The following ZNF37A variants were observed in gnomAD, a reference collection of about 807,000 sequenced individuals.
ZNF37A encodes zinc finger protein 37a (KOX 21).
A neutral mutation model predicts 12.3 loss-of-function variants in ZNF37A; 10 were observed. That is an observed-to-expected ratio of 0.82 (90% CI 0.50 to 1.38). The LOEUF (loss-of-function observed/expected upper bound fraction) is 1.38, where lower values mean the gene tolerates loss of function less well. ZNF37A is among the 40% of genes most tolerant of loss of function. The probability of loss-of-function intolerance (pLI) is 0.00; values close to 1 mark genes in which losing one functional copy is unlikely to be tolerated. For synonymous variants in ZNF37A, 207 were observed against 223.0 expected, an observed-to-expected ratio of 0.93 and a Z score of 0.64; for missense variants, 580 against 651.2, an observed-to-expected ratio of 0.89 and a Z score of 1.19.
chr10:38,106,747 A>C (rs755243931), intron 5 of ZNF37A, among the ~76,000 whole-genome samples: 39 of 152,084 alleles, frequency 2.6e-4, no homozygotes, highest in Non-Finnish European at 4.6e-4. Context: ...AGTGGAAGAA[A>C]GGACATAAGA....
In ZNF37A at chr10:38,117,888, A is replaced by G; in HGVS notation, c.737A>G (p.Asn246Ser). Residue 246 changes from asparagine to serine, a missense_variant, in exon 8 of 8, where the codon AAT becomes AGT. Physicochemically the swap from Asn to Ser is conservative, Grantham distance 46. Coordinates refer to ENST00000685332, the MANE Select transcript of ZNF37A (RefSeq NM_001324250.3). ...TCAATTAACAATATTATTGAATATA[A>G]TGAGTGTGGAACATTTTTCAGTGAA... ...THSINNIIEY[N>S]ECGTFFSEKL... 2 of 1,614,026 alleles carry G rather than the reference A, an allele frequency of 1.2e-6. No homozygotes were observed. The highest frequency in any genetic ancestry group is 1.7e-6 in the Non-Finnish European group (2 of 1,179,996).
At chr10:38,129,316 A>AAAAAACAAAAAAC (rs1554785448), downstream of ZNF37A, among the ~76,000 whole-genome samples, 1 of 142,430 alleles carries the variant, frequency 7.0e-6, no homozygotes, top group Non-Finnish European at 1.5e-5. Context: ...AAAAAAAAAA[A>AAAAAACAAAAAAC]AAAAAACTAT....
intron 7 of ZNF37A, among the ~76,000 whole-genome samples, chr10:38,135,368 G>A (rs1305915350): frequency 6.6e-6 from 1 of 152,210 alleles, no homozygotes; most frequent in Non-Finnish European, 1.5e-5. Flanking sequence ...CCTGGTGACA[G>A]AGTGAGACTC....
In ZNF37A at chr10:38,114,822, C is replaced by T. The variant is rs764250268; in HGVS notation, c.83C>T (p.Ala28Val). ...GAGGAGTGGCAGCATCTGGACCCTG[C>T]TCAGAGGACCCTGTACAGGGATGTG... Reference protein sequence around the residue: ...TQEEWQHLDPAQRTLYRDVML... With the variant: ...TQEEWQHLDPVQRTLYRDVML... Residue 28 changes from alanine (A) to valine (V), a missense_variant, in exon 6 of 8, where the codon GCT becomes GTT. Transcript: ENST00000685332. 6.2e-7 allele frequency: 1 copy of T among 1,613,992 alleles called. No homozygotes were observed. The highest frequency in any genetic ancestry group is 1.7e-5 in the Admixed American group (1 of 59,978).
At chr10:38,129,319 A>AAAAAAAAAT, downstream of ZNF37A, among the ~76,000 whole-genome samples, 1 of 116,228 alleles carries the variant, frequency 8.6e-6, no homozygotes, top group African/African-American at 3.6e-5. Flanking sequence ...AAAAAAAAAA[A>AAAAAAAAAT]AAACTATTAT....
At chr10:38,112,746 T>TCGGTCTCGGTCTCGGTCTCGGTCTCGGTC (rs1564931904) in intron 5 of ZNF37A, among the ~76,000 whole-genome samples, 2 of 106,402 alleles carry the variant, frequency 1.9e-5, no homozygotes, top group African/African-American at 4.1e-5. Flanking sequence ...TTTTCTTTTC[T>TCGGTCTCGGTCTCGGTCTCGGTCTCGGTC]TTTCTTTTCT....
At chr10:38,125,090 T>G (rs2136069293), downstream of ZNF37A, 1 of 152,320 alleles carries the variant, frequency 6.6e-6, no homozygotes, top group African/African-American at 2.4e-5. Flanking sequence ...AAAATTTTTG[T>G]AGGTTTGAGT....
chr10:38,107,589 G>A (rs1355785850), intron 5 of ZNF37A, among the ~76,000 whole-genome samples: 1 of 152,204 alleles, frequency 6.6e-6, no homozygotes, highest in South Asian at 2.1e-4. Flanking sequence ...ACATCCATCA[G>A]TGTGCTGTAT....
intron 7 of ZNF37A, chr10:38,138,428 T>G (rs2070139202): frequency 6.6e-6 from 1 of 152,214 alleles, no homozygotes; most frequent in African/African-American, 2.4e-5. Context: ...AAGTGAGATT[T>G]AGAAAGGAAA....
intron 5 of ZNF37A, among the ~76,000 whole-genome samples, chr10:38,098,081 G>A (rs2067289502): frequency 6.6e-6 from 1 of 152,110 alleles, no homozygotes; most frequent in Non-Finnish European, 1.5e-5. Flanking sequence ...GTAGCCTTTT[G>A]TGTCTGATCT....
chr10:38,118,330 C>T lies in ZNF37A; in HGVS notation c.1179C>T (p.Leu393=). ...YECYACGKAF[L]RKSDLIKHQR... is the part of the protein sequence containing the mutation. ...GCTATGCATGTGGGAAAGCCTTTCTCAGAAAATCAGACCTCATTAAACATC... is the reference window on the plus strand; with the variant it reads ...GCTATGCATGTGGGAAAGCCTTTCTTAGAAAATCAGACCTCATTAAACATC... Residue 393 remains leucine, a synonymous_variant, in exon 8 of 8, where the codon CTC becomes CTT. Transcript: ENST00000685332. 1.2e-6 allele frequency: 2 copies of T among 1,610,966 alleles called. No homozygotes were observed. Among genetic ancestry groups the T allele is most frequent in the Admixed American group, 1.7e-5 (1 of 59,684 alleles).
rs536001134 is a variant in ZNF37A, at chr10:38,098,988, A to G, written c.15+2356A>G. ...GTGGATACTTCAGTATTTTTTGCATATAAGATCATGTCATCTGCAAACGAA... is the reference window on the plus strand; with the variant it reads ...GTGGATACTTCAGTATTTTTTGCATGTAAGATCATGTCATCTGCAAACGAA... On this transcript the variant is annotated intron_variant, in intron 5 of 7. Coordinates refer to ENST00000685332, the MANE Select transcript of ZNF37A (RefSeq NM_001324250.3). Among the ~76,000 whole-genome samples, 4 of 152,264 alleles carry G rather than the reference A, an allele frequency of 2.6e-5. No individual in the cohort carries two copies. The South Asian group carries it at 8.3e-4, about 32-fold the overall frequency.
At chr10:38,149,154 T>C (rs568332428) in exon 8 of ZNF37A, 1 of 152,240 alleles carries the variant, frequency 6.6e-6, no homozygotes, top group South Asian at 2.1e-4. Context: ...GCTTCAATAT[T>C]CTAACACAAA....
intron 7 of ZNF37A, chr10:38,142,668 T>A (rs1335656292): frequency 2.0e-5 from 3 of 152,108 alleles, no homozygotes; most frequent in South Asian, 2.1e-4. Flanking sequence ...AATATTTTTT[T>A]AAATTCCATT....
chr10:38,126,415 T>G (rs1032804270), downstream of ZNF37A, among the ~76,000 whole-genome samples: 1 of 152,118 alleles, frequency 6.6e-6, no homozygotes, highest in African/African-American at 2.4e-5. Context: ...CTATATAAAC[T>G]CCTAACTTTA....
intron 5 of ZNF37A, among the ~76,000 whole-genome samples, chr10:38,100,248 C>T (rs996728108): frequency 1.2e-4 from 19 of 152,124 alleles, no homozygotes; most frequent in African/African-American, 4.1e-4. Flanking sequence ...AGGACCGGTG[C>T]GAAATTAACA....
At chr10:38,142,342 C>A (rs1043078832) in intron 7 of ZNF37A, 2 of 152,160 alleles carry the variant, frequency 1.3e-5, no homozygotes, top group African/African-American at 4.8e-5. Context: ...AAACAAGCTT[C>A]TACTGCTCTG....
At chr10:38,096,131 A>G (rs1257104165) in intron 4 of ZNF37A, among the ~76,000 whole-genome samples, 2 of 152,216 alleles carry the variant, frequency 1.3e-5, no homozygotes, top group African/African-American at 4.8e-5. Context: ...ATCGCACTCC[A>G]GCCTGGGCAA....
At chr10:38,127,211 T>C (rs533303524), downstream of ZNF37A, among the ~76,000 whole-genome samples, 12 of 152,250 alleles carry the variant, frequency 7.9e-5, no homozygotes, top group African/African-American at 2.4e-4. Flanking sequence ...GTGAGATTTG[T>C]AGTTGTATGG....
Sources: gnomAD v4.1 joint callset for allele counts (sites outside exome capture counted in the v4.1 genomes callset) on GRCh38, gnomAD v4.1.1 for gene constraint, MANE v1.5 for transcripts, NCBI Gene and HGNC (gene_info 2026-07-23, HGNC 2026-07-21) for gene names.